The following CLYBL variants were observed in gnomAD, a reference collection of about 807,000 sequenced individuals.
CLYBL encodes citramalyl-CoA lyase, also known as citramalyl-CoA lyase, mitochondrial.
A neutral mutation model predicts 38.9 loss-of-function variants in CLYBL; 31 were observed. The ratio of observed to expected loss-of-function variants is 0.80; its 90% CI spans 0.60 to 1.08. CLYBL has a LOEUF of 1.08. CLYBL is among the 50% of genes least tolerant of loss of function. The pLI, the probability that CLYBL is intolerant of heterozygous loss-of-function variation, is 0.00. For synonymous variants in CLYBL, 171 were observed against 158.6 expected (o/e 1.08, Z -0.59); for missense variants, 434 against 411.6 (o/e 1.05, Z -0.47).
intron 1 of CLYBL, among the ~76,000 whole-genome samples, chr13:99,665,571 C>T (rs1406982070): frequency 6.6e-6 from 1 of 151,520 alleles, no homozygotes; most frequent in Non-Finnish European, 1.5e-5. Context: ...AAAGTCTCCA[C>T]ATATGGTCCC....
intron 6 of CLYBL, among the ~76,000 whole-genome samples, chr13:99,870,515 G>A (rs1358080995): frequency 2.6e-5 from 4 of 152,126 alleles, no homozygotes; most frequent in African/African-American, 9.7e-5. Context: ...TACAAAGAAA[G>A]CAAAAGACAC....
At chr13:99,779,722 C>T (rs1180106118) in intron 2 of CLYBL, among the ~76,000 whole-genome samples, 1 of 152,194 alleles carries the variant, frequency 6.6e-6, no homozygotes, top group Non-Finnish European at 1.5e-5. Flanking sequence ...GACTGGGCCA[C>T]AAACCATAGC....
chr13:99,709,109 A>T (rs1458416149), intron 1 of CLYBL, among the ~76,000 whole-genome samples: 2 of 152,108 alleles, frequency 1.3e-5, no homozygotes, highest in African/African-American at 4.8e-5. Flanking sequence ...AAGAAAGAAA[A>T]AAAAGGAGTG....
intron 1 of CLYBL, among the ~76,000 whole-genome samples, chr13:99,770,502 A>G (rs2761157): frequency 0.24 from 36,086 of 151,812 alleles, 5,668 homozygotes; most frequent in African/African-American, 0.42. Flanking sequence ...TATTTTTAGT[A>G]GAGACGGGGT....
intron 2 of CLYBL, among the ~76,000 whole-genome samples, chr13:99,798,006 T>A (rs1042489949): frequency 6.6e-6 from 1 of 152,206 alleles, no homozygotes; most frequent in African/African-American, 2.4e-5. Flanking sequence ...GCCCTGAGAT[T>A]CATGTTCAAC....
intron 1 of CLYBL, among the ~76,000 whole-genome samples, chr13:99,657,936 G>A (rs2047352031): frequency 6.6e-6 from 1 of 152,218 alleles, no homozygotes; most frequent in Non-Finnish European, 1.5e-5. Flanking sequence ...CTCGCCCTGA[G>A]TCTCCATGTT....
rs1335087489 is a variant in CLYBL at position 99,758,852 on chromosome 13, G to T, written c.63-13972G>T. Among the ~76,000 whole-genome samples, 6 of 152,312 alleles carry T rather than the reference G, an allele frequency of 3.9e-5. No homozygotes were observed. In the East Asian group the frequency reaches 1.2e-3, roughly 29 times the overall value. ...GTGCTGTCCTGCCTCTGATTCACAG[G>T]CTGTTCTTTGGGGTGTCCCTCTCTG... On this transcript the variant is annotated intron_variant, in intron 1 of 8. Transcript: ENST00000339105.
intron 2 of CLYBL, among the ~76,000 whole-genome samples, chr13:99,782,168 C>T (rs9513662): frequency 0.58 from 88,290 of 151,916 alleles, 26,870 homozygotes; most frequent in Middle Eastern, 0.73. Context: ...TTCCCTATAG[C>T]GAAAGTTGGT....
intron 2 of CLYBL, among the ~76,000 whole-genome samples, chr13:99,848,474 AG>A (rs2051258222): frequency 6.6e-6 from 1 of 152,244 alleles, no homozygotes; most frequent in Non-Finnish European, 1.5e-5. Flanking sequence ...GTATTCAGGA[AG>A]TTTTCTCTTG....
chr13:99,708,923 T>G (rs2048185565), intron 1 of CLYBL, among the ~76,000 whole-genome samples: 1 of 151,926 alleles, frequency 6.6e-6, no homozygotes, highest in African/African-American at 2.4e-5. Flanking sequence ...TGAAACCCTG[T>G]CTCTACTAAA....
intron 1 of CLYBL, among the ~76,000 whole-genome samples, chr13:99,688,716 C>T (rs1036983198): frequency 6.6e-6 from 1 of 151,868 alleles, no homozygotes; most frequent in African/African-American, 2.4e-5. Context: ...ATATCTCTTC[C>T]AGCTCCTGCA....
intron 2 of CLYBL, among the ~76,000 whole-genome samples, chr13:99,844,752 A>C (rs953066133): frequency 6.6e-6 from 1 of 152,282 alleles, no homozygotes; most frequent in Admixed American, 6.5e-5. Flanking sequence ...TCGGGTCTAC[A>C]CTGTGGCAGC....
At chr13:99,783,906 A>G (rs2049720374) in intron 2 of CLYBL, 1 of 152,336 alleles carries the variant, frequency 6.6e-6, no homozygotes, top group Non-Finnish European at 1.5e-5. Flanking sequence ...ATGGCATTCT[A>G]TAGAGAACTT....
chr13:99,775,167 A>G (rs1302310860), intron 2 of CLYBL, among the ~76,000 whole-genome samples: 1 of 152,138 alleles, frequency 6.6e-6, no homozygotes, highest in Non-Finnish European at 1.5e-5. Context: ...ATAAACTTCT[A>G]ATTATAGTTC....
At chr13:99,789,876 G>T (rs143114465) in intron 2 of CLYBL, among the ~76,000 whole-genome samples, 2,010 of 152,174 alleles carry the variant, frequency 0.013, 46 homozygotes, top group African/African-American at 0.045. Context: ...ATGAATCTGG[G>T]TGCTCCTGTA....
At chr13:99,728,119 C>T (rs2048511695) in intron 1 of CLYBL, among the ~76,000 whole-genome samples, 1 of 152,052 alleles carries the variant, frequency 6.6e-6, no homozygotes, top group African/African-American at 2.4e-5. Context: ...TATTACAGAT[C>T]CCATTATATT....
At chr13:99,801,947 CG>C (rs2138945118) in intron 2 of CLYBL, among the ~76,000 whole-genome samples, 1 of 152,236 alleles carries the variant, frequency 6.6e-6, no homozygotes, top group South Asian at 2.1e-4. Context: ...ACCTGATAGG[CG>C]GAGGTTGCAG....
intron 1 of CLYBL, among the ~76,000 whole-genome samples, chr13:99,609,030 A>G (rs770963628): frequency 8.3e-5 from 12 of 145,316 alleles, no homozygotes; most frequent in Non-Finnish European, 1.7e-4. Flanking sequence ...AAAAAAGTCT[A>G]CTCTCTTATC....
intron 2 of CLYBL, among the ~76,000 whole-genome samples, chr13:99,779,483 T>A (rs1041585788): frequency 3.3e-5 from 5 of 152,192 alleles, no homozygotes; most frequent in Middle Eastern, 3.2e-3. Context: ...GTCTCTTGCT[T>A]GAAATATAAC....
Sources: gnomAD v4.1 joint callset for allele counts (sites outside exome capture counted in the v4.1 genomes callset) on GRCh38, gnomAD v4.1.1 for gene constraint, MANE v1.5 for transcripts, NCBI Gene and HGNC (gene_info 2026-07-23, HGNC 2026-07-21) for gene names.